ATP10A: variants seen among roughly 807,000 people sequenced by gnomAD.
The protein encoded by ATP10A is ATPase phospholipid transporting 10A (putative).
In ATP10A, 111 loss-of-function variants were observed where a neutral mutation model predicts 147.8. The observed-to-expected ratio is 0.75, with a 90% confidence interval of 0.64 to 0.88. ATP10A has a LOEUF of 0.88. Among genes scored for constraint, ATP10A ranks in the 40% least tolerant of loss-of-function variants. The pLI, the probability that ATP10A is intolerant of heterozygous loss-of-function variation, is 0.00. For missense variants in ATP10A, 1,927 were observed against 1,959.0 expected (o/e 0.98, Z 0.31); for synonymous variants, 875 against 841.6 (o/e 1.04, Z -0.69).
chr15:25,735,003 C>CGGGGGGG (rs774115891), intron 3 of ATP10A, among the ~76,000 whole-genome samples: 2 of 131,976 alleles, frequency 1.5e-5, no homozygotes, highest in Non-Finnish European at 3.3e-5. Flanking sequence ...GTGGTGGGAG[C>CGGGGGGG]GGGGGGGGGG....
intron 7 of ATP10A, 49 bp from the exon 8 acceptor site, chr15:25,718,448 G>C: frequency 2.6e-6 from 4 of 1,531,460 alleles, no homozygotes; most frequent in Non-Finnish European, 3.5e-6. Context: ...AGGCTGGGCG[G>C]AGCAGAAAGA....
At chr15:25,780,961 C>CA in intron 2 of ATP10A, 58 bp downstream of exon 2, 1 of 1,557,976 alleles carries the variant, frequency 6.4e-7, no homozygotes, top group Non-Finnish European at 8.8e-7. Flanking sequence ...AGAAGGCTGT[C>CA]ATGGGGACAC....
intron 8 of ATP10A, 152 bp downstream of exon 8, chr15:25,718,030 G>T: frequency 1.3e-6 from 1 of 761,660 alleles, no homozygotes. Flanking sequence ...TGGAGAGAAA[G>T]TGTTGGCCAG....
intron 1 of ATP10A, among the ~76,000 whole-genome samples, chr15:25,811,444 A>G (rs964326015): frequency 2.0e-4 from 31 of 152,150 alleles, no homozygotes; most frequent in Admixed American, 6.5e-4. Context: ...GAGGAGACAA[A>G]ACAAATGGCA....
chr15:25,802,610 T>C (rs138446141), intron 1 of ATP10A, among the ~76,000 whole-genome samples: 43 of 152,294 alleles, frequency 2.8e-4, no homozygotes, highest in African/African-American at 6.7e-4. Context: ...GCGGAGAGTA[T>C]GCTTCCCTGC....
At chr15:25,839,554 CCT>C (rs944480821) in intron 1 of ATP10A, among the ~76,000 whole-genome samples, 2 of 152,140 alleles carry the variant, frequency 1.3e-5, no homozygotes, top group Non-Finnish European at 2.9e-5. Flanking sequence ...GCAGGCTCGT[CCT>C]CTCTCCCGCT....
chr15:25,741,624 A>G (rs544140537), intron 2 of ATP10A, among the ~76,000 whole-genome samples: 3 of 152,246 alleles, frequency 2.0e-5, no homozygotes, highest in African/African-American at 7.2e-5. Flanking sequence ...TTGTATTTCA[A>G]TCTAATTTGT....
chr15:25,695,552 C>T (rs533790214), intron 13 of ATP10A, among the ~76,000 whole-genome samples: 6 of 152,222 alleles, frequency 3.9e-5, no homozygotes. Flanking sequence ...TGGCATGAAC[C>T]TGGGAGGCGG....
rs560106474 is a variant in ATP10A at position 25,794,983 on chromosome 15, C to T, written c.450-13760G>A. On this transcript the variant is annotated intron_variant, in intron 1 of 20. Transcript: ENST00000555815. ...CGGAACAGCAGCTCTAAGGAAGGCC[C>T]AAAACTCAACTGGCTCATACCTCCC... Among the ~76,000 whole-genome samples the T allele has an allele frequency of 3.9e-5, 6 of 152,212 alleles. No individual in the cohort carries two copies. The East Asian group carries it at 1.2e-3, about 29-fold the overall frequency.
intron 17 of ATP10A, among the ~76,000 whole-genome samples, chr15:25,682,628 C>A (rs1899486314): frequency 6.6e-6 from 1 of 152,350 alleles, no homozygotes; most frequent in Admixed American, 6.5e-5. Flanking sequence ...TGCTCCCCTC[C>A]CTGGCCCTTC....
chr15:25,692,135 G>A (rs2046414), intron 14 of ATP10A, among the ~76,000 whole-genome samples: 115,298 of 151,784 alleles, frequency 0.76, 44,447 homozygotes, highest in Non-Finnish European at 0.84. Context: ...TAGTTACTGA[G>A]CCACTCCAGC....
chr15:25,810,782 G>A (rs1363393307), intron 1 of ATP10A, among the ~76,000 whole-genome samples: 1 of 152,090 alleles, frequency 6.6e-6, no homozygotes, highest in Non-Finnish European at 1.5e-5. Flanking sequence ...TCCAACACGA[G>A]GAATCGAGGT....
In ATP10A at chr15:25,713,982, G is replaced by A. The variant is rs190048306; in HGVS notation, c.2036C>T (p.Ser679Leu). The A allele has an allele frequency of 7.1e-5, 115 of 1,609,790 alleles. No individual in the cohort carries two copies. In the East Asian group the frequency reaches 2.3e-3, roughly 32 times the overall value. ...TGACTCCTGCTCCTGAGCAAGCTCCGAGGCCCAGTTGTCCGCCTGGCTGCT... is the reference window on the plus strand; with the variant it reads ...TGACTCCTGCTCCTGAGCAAGCTCCAAGGCCCAGTTGTCCGCCTGGCTGCT... ...GYSSQADNWASELAQEQESER... is the reference protein window; with the variant it reads ...GYSSQADNWALELAQEQESER... Residue 679 changes from serine to leucine, a missense_variant, in exon 10 of 21, where the codon TCG becomes TTG. Physicochemically the swap from Ser to Leu is moderately radical, Grantham distance 145. Coordinates refer to ENST00000555815, the MANE Select transcript of ATP10A (RefSeq NM_024490.4).
intron 10 of ATP10A, 139 bp downstream of exon 10, chr15:25,713,535 C>T: frequency 1.1e-6 from 1 of 925,812 alleles, no homozygotes; most frequent in Non-Finnish European, 1.6e-6. Context: ...TCTGAAGAAA[C>T]CATGCAATTC....
chr15:25,708,137 C>T lies in ATP10A; in HGVS notation c.2449-35G>A, dbSNP rs777547382. ...ATACATTGTTGAGTGCTGCACCGGG[C>T]GCTGCTCACTGTGGGGCGGCCACCT... On this transcript the variant is annotated intron_variant, in intron 11 of 20. Transcript: ENST00000555815. 74 of 1,613,138 alleles carry T rather than the reference C, an allele frequency of 4.6e-5. No individual in the cohort carries two copies. The South Asian group carries it at 5.8e-4, about 13-fold the overall frequency.
intron 1 of ATP10A, among the ~76,000 whole-genome samples, chr15:25,811,500 G>A (rs1405953482): frequency 1.3e-5 from 2 of 152,170 alleles, no homozygotes; most frequent in African/African-American, 2.4e-5. Flanking sequence ...TGTGGAAACT[G>A]CACACCCGGG....
At chr15:25,845,555 A>C (rs1892986718) in intron 1 of ATP10A, among the ~76,000 whole-genome samples, 1 of 152,164 alleles carries the variant, frequency 6.6e-6, no homozygotes, top group Non-Finnish European at 1.5e-5. Flanking sequence ...CAACAAGACC[A>C]CAGACAGGGC....
chr15:25,822,537 T>C (rs1461927897), intron 1 of ATP10A, among the ~76,000 whole-genome samples: 1 of 152,060 alleles, frequency 6.6e-6, no homozygotes, highest in Non-Finnish European at 1.5e-5. Flanking sequence ...ATGAGGCAAG[T>C]AATACTCCCA....
In ATP10A at chr15:25,679,704, C is replaced by A; in HGVS notation, c.4137G>T (p.Val1379=). Residue 1379 remains valine, a synonymous_variant, in exon 21 of 21, where the codon GTG becomes GTT. Transcript: ENST00000555815. Reference sequence around the variant, plus strand: ...GCCCCTCCAGCAGGGTGTGCTCCCTCACTGGCATGCTCATGTCCACTGTGC... The same window carrying A: ...GCCCCTCCAGCAGGGTGTGCTCCCTAACTGGCATGCTCATGTCCACTGTGC... The part of the protein sequence containing the change: ...EPSTVDMSMP[V]REHTLLEGLS... The A allele has an allele frequency of 6.2e-7, 1 of 1,613,320 alleles. No homozygotes were observed. The highest frequency in any genetic ancestry group is 8.5e-7 in the Non-Finnish European group (1 of 1,180,006).
Sources: gnomAD v4.1 joint callset for allele counts (sites outside exome capture counted in the v4.1 genomes callset) on GRCh38, gnomAD v4.1.1 for gene constraint, MANE v1.5 for transcripts, NCBI Gene and HGNC (gene_info 2026-07-23, HGNC 2026-07-21) for gene names.